The following NLRP14 variants were observed in gnomAD, a reference collection of about 807,000 sequenced individuals.
NLRP14 encodes NLR family pyrin domain containing 14.
NLRP14 carries 105 observed loss-of-function variants against 94.7 expected under a neutral mutation model. That is an observed-to-expected ratio of 1.11 (90% CI 0.95 to 1.30). NLRP14 has a LOEUF of 1.30. Ranked by LOEUF, NLRP14 falls within the 50% of genes most tolerant of loss-of-function variation. The probability of loss-of-function intolerance (pLI) is 0.00; values close to 1 mark genes in which losing one functional copy is unlikely to be tolerated. For synonymous variants in NLRP14, 508 were observed against 459.9 expected, an observed-to-expected ratio of 1.10 and a Z score of -1.34; for missense variants, 1,362 against 1,254.1, an observed-to-expected ratio of 1.09 and a Z score of -1.30.
chr11:7,071,126 G>A (rs1396897650), intron 11 of NLRP14, 47 bp from the exon 12 acceptor site: 36 of 1,609,940 alleles, frequency 2.2e-5, no homozygotes, highest in Non-Finnish European at 3.1e-5. Context: ...GTGGAGGGCT[G>A]TAGGGAAATT....
At chr11:7,087,094 C>T in the NLRP14 span, among the ~76,000 whole-genome samples, 1 of 152,178 alleles carries the variant, frequency 6.6e-6, no homozygotes, top group African/African-American at 2.4e-5. Context: ...TAAATATCTT[C>T]CTGAGGGGCC....
the NLRP14 span, among the ~76,000 whole-genome samples, chr11:7,076,720 T>G: frequency 1.6e-4 from 24 of 152,288 alleles, no homozygotes; most frequent in Non-Finnish European, 3.1e-4. Flanking sequence ...AGATATGTAT[T>G]TATTTTATTT....
rs368336982 is a variant in NLRP14, at chr11:7,042,410, T to G, written c.384T>G (p.Asn128Lys). 1 of 1,613,926 alleles carries G rather than the reference T, an allele frequency of 6.2e-7. No homozygotes were observed. Among genetic ancestry groups the G allele is most frequent in the East Asian group, 2.2e-5 (1 of 44,880 alleles). ...TAGGTGATGGAACAGAATACAGAAA[T>G]AGAATAAAGGAAAAATTTTGCATCA... Reference protein sequence around the residue: ...AVLGDGTEYRNRIKEKFCITW... With the variant: ...AVLGDGTEYRKRIKEKFCITW... The change falls in exon 4 of 12, where the codon AAT becomes AAG. Residue 128 changes from asparagine (N) to lysine (K), a missense_variant. Physicochemically the swap from Asn to Lys is moderately conservative, Grantham distance 94. Transcript: ENST00000299481.
At chr11:7,060,588 A>C (rs1401750422) in intron 9 of NLRP14, among the ~76,000 whole-genome samples, 1 of 152,002 alleles carries the variant, frequency 6.6e-6, no homozygotes, top group African/African-American at 2.4e-5. Context: ...ATTGTGCTCT[A>C]CTAGTTTTTC....
intron 6 of NLRP14, 45 bp downstream of exon 6, chr11:7,049,883 G>A: frequency 2.6e-6 from 4 of 1,529,600 alleles, no homozygotes; most frequent in Non-Finnish European, 3.6e-6. Context: ...TATAATTGAG[G>A]CTTTTGTCTA....
the NLRP14 span, chr11:7,089,369 G>A: frequency 1.2e-6 from 2 of 1,605,570 alleles, no homozygotes; most frequent in South Asian, 2.2e-5. Flanking sequence ...AGGTGGCCCA[G>A]GCCACCAAAC....
At chr11:7,045,226 C>T (rs1470690513) in intron 4 of NLRP14, among the ~76,000 whole-genome samples, 2 of 152,064 alleles carry the variant, frequency 1.3e-5, no homozygotes, top group African/African-American at 2.4e-5. Context: ...TGTGAGTAAT[C>T]GTCAGTCAAT....
At chr11:7,032,554 T>A (rs1038137470) in intron 1 of NLRP14, among the ~76,000 whole-genome samples, 4 of 152,178 alleles carry the variant, frequency 2.6e-5, no homozygotes, top group Admixed American at 2.6e-4. Context: ...GTGTAGCAAT[T>A]AACATTTATA....
chr11:7,064,176 CT>C (rs1852671228), intron 10 of NLRP14, among the ~76,000 whole-genome samples: 1 of 152,246 alleles, frequency 6.6e-6, no homozygotes, highest in East Asian at 1.9e-4. Context: ...TCAAGAGAAG[CT>C]TGCAGATTTG....
the NLRP14 span, among the ~76,000 whole-genome samples, chr11:7,083,118 A>G: frequency 6.6e-6 from 1 of 152,224 alleles, no homozygotes; most frequent in Non-Finnish European, 1.5e-5. Flanking sequence ...TTGCATAGTC[A>G]TACCAGCATC....
Position 7,057,681 on chromosome 11 carries a change from G to C in NLRP14, c.2296G>C (p.Glu766Gln), listed in dbSNP as rs1437167333. The change falls in exon 7 of 12, where the codon GAA becomes CAA. Residue 766 changes from glutamate (E) to glutamine (Q), a missense_variant. Transcript: ENST00000299481. Reference sequence around the variant, plus strand: ...CTTTTCTGTGTTGTTTTCCAGGCTGGAATCTTGCAACCTAACTGTATTTTG... The same window carrying C: ...CTTTTCTGTGTTGTTTTCCAGGCTGCAATCTTGCAACCTAACTGTATTTTG... ...PECKLQTLRL[E>Q]SCNLTVFCCL... The C allele has an allele frequency of 1.2e-6, 2 of 1,612,184 alleles. No individual in the cohort carries two copies. Among genetic ancestry groups the C allele is most frequent in the Admixed American group, 3.3e-5 (2 of 59,930 alleles).
At chr11:7,035,494 A>G (rs577032658) in intron 1 of NLRP14, among the ~76,000 whole-genome samples, 6 of 152,358 alleles carry the variant, frequency 3.9e-5, no homozygotes, top group Admixed American at 1.3e-4. Context: ...GGTAGAAGCC[A>G]TGAATGCTGC....
chr11:7,084,418 C>A, the NLRP14 span, among the ~76,000 whole-genome samples: 4 of 152,128 alleles, frequency 2.6e-5, no homozygotes, highest in Non-Finnish European at 4.4e-5. Context: ...GGCTGCTGGT[C>A]ACCAGAAATA....
intron 1 of NLRP14, among the ~76,000 whole-genome samples, chr11:7,024,816 G>A (rs1030504708): frequency 6.6e-6 from 1 of 151,986 alleles, no homozygotes; most frequent in Non-Finnish European, 1.5e-5. Flanking sequence ...TGAATTGGAG[G>A]AGAAAAAATG....
intron 1 of NLRP14, among the ~76,000 whole-genome samples, chr11:7,036,620 A>G (rs1260782046): frequency 6.6e-6 from 1 of 152,164 alleles, no homozygotes; most frequent in East Asian, 1.9e-4. Context: ...TACTCTTGCT[A>G]TTCCTGCTTA....
At chr11:7,089,110 G>C in the NLRP14 span, 610 of 1,612,336 alleles carry the variant, frequency 3.8e-4, no homozygotes, top group Admixed American at 2.0e-3. Context: ...CCGACCGTTC[G>C]ACCGGCAAAC....
intron 1 of NLRP14, among the ~76,000 whole-genome samples, chr11:7,031,736 ACT>A (rs1426009279): frequency 2.6e-5 from 4 of 151,840 alleles, no homozygotes; most frequent in Non-Finnish European, 5.9e-5. Context: ...TCTTTCATTC[ACT>A]CTGAGTCTTC....
At chr11:7,048,920 G>A (rs1852399190) in intron 5 of NLRP14, among the ~76,000 whole-genome samples, 1 of 151,800 alleles carries the variant, frequency 6.6e-6, no homozygotes, top group Non-Finnish European at 1.5e-5. Context: ...TTTACTGAGT[G>A]CCTTAGGCAC....
chr11:7,070,928 A>C (rs141841128), intron 11 of NLRP14, among the ~76,000 whole-genome samples: 352 of 152,194 alleles, frequency 2.3e-3, no homozygotes, highest in African/African-American at 8.2e-3. Context: ...CTCTTGGAGG[A>C]TCCTTTTTAA....
Sources: allele counts gnomAD v4.1 joint callset (sites outside exome capture counted in the v4.1 genomes callset), GRCh38; gene constraint gnomAD v4.1.1; transcripts MANE v1.5; gene names NCBI Gene and HGNC (gene_info 2026-07-23, HGNC 2026-07-21).